The following QKI variants were observed in gnomAD, a reference collection of about 807,000 sequenced individuals.
The protein encoded by QKI is QKI, KH domain containing RNA binding.
QKI carries 10 observed loss-of-function variants against 39.0 expected under a neutral mutation model. That is an observed-to-expected ratio of 0.26 (90% CI 0.16 to 0.43). QKI has a LOEUF of 0.43. Among genes scored for constraint, QKI ranks in the 20% least tolerant of loss-of-function variants. QKI has a pLI of 1.00. For synonymous variants in QKI, 204 were observed against 155.4 expected (o/e 1.31, Z -2.33); for missense variants, 218 against 428.0 (o/e 0.51, Z 4.33).
At chr6:163,468,291 G>A (rs1033965382) in intron 2 of QKI, among the ~76,000 whole-genome samples, 12 of 152,050 alleles carry the variant, frequency 7.9e-5, no homozygotes, top group Non-Finnish European at 1.3e-4. Context: ...TGTGCAAAAA[G>A]CAATCCAAAA....
At chr6:163,545,262 C>T (rs1234476858) in intron 4 of QKI, among the ~76,000 whole-genome samples, 1 of 152,092 alleles carries the variant, frequency 6.6e-6, no homozygotes, top group Non-Finnish European at 1.5e-5. Flanking sequence ...ATATCAGGGT[C>T]ATAATTTTTA....
At chr6:163,420,977 C>A (rs555596988) in intron 1 of QKI, among the ~76,000 whole-genome samples, 2 of 152,142 alleles carry the variant, frequency 1.3e-5, no homozygotes, top group African/African-American at 4.8e-5. Context: ...GCCTGGCATA[C>A]ACTTCTCAGA....
At chr6:163,459,472 G>A (rs982118307) in intron 2 of QKI, among the ~76,000 whole-genome samples, 7 of 152,114 alleles carry the variant, frequency 4.6e-5, no homozygotes, top group African/African-American at 1.7e-4. Flanking sequence ...GAATTACCTG[G>A]ACCCAAATGT....
At chr6:163,487,592 C>G (rs1777761712) in intron 3 of QKI, among the ~76,000 whole-genome samples, 1 of 151,784 alleles carries the variant, frequency 6.6e-6, no homozygotes, top group African/African-American at 2.4e-5. Context: ...AAGCCACTTC[C>G]CAAACCTCCA....
chr6:163,447,932 C>G (rs1461797885), intron 1 of QKI, among the ~76,000 whole-genome samples: 2 of 152,156 alleles, frequency 1.3e-5, no homozygotes, highest in Non-Finnish European at 2.9e-5. Flanking sequence ...GTAAATTCAT[C>G]TCCCAGAGAT....
intron 4 of QKI, among the ~76,000 whole-genome samples, chr6:163,548,584 A>AAAGATTGTT (rs1309126732): frequency 6.6e-6 from 1 of 152,200 alleles, no homozygotes. Flanking sequence ...CTGTTTTTTA[A>AAAGATTGTT]AAGATTGTAA....
At chr6:163,439,354 T>C (rs11961236) in intron 1 of QKI, among the ~76,000 whole-genome samples, 22 of 133,468 alleles carry the variant, frequency 1.6e-4, no homozygotes, top group African/African-American at 5.7e-4. Context: ...TTTTTTTTTT[T>C]CGGGGGGGTG....
chr6:163,578,219 A>G lies in QKI; in HGVS notation c.*7509A>G, dbSNP rs1389440578. ...CTATGTTCATTGGTTACTTAACTGG[A>G]TATTAATATAAAGGTTATTACAAGA... On this transcript the variant is annotated 3_prime_UTR_variant, in exon 8 of 8. Coordinates refer to ENST00000361752, the MANE Select transcript of QKI (RefSeq NM_006775.3). 1 of 152,184 alleles carries G rather than the reference A, an allele frequency of 6.6e-6. No homozygotes were observed. Among genetic ancestry groups the G allele is most frequent in the Non-Finnish European group, 1.5e-5 (1 of 68,030 alleles). The allele number at this position is 152,184 out of a possible 1,614,324, so 9.4% of individuals were successfully genotyped here.
At chr6:163,496,526 C>G (rs570225829) in intron 3 of QKI, among the ~76,000 whole-genome samples, 1 of 152,230 alleles carries the variant, frequency 6.6e-6, no homozygotes, top group South Asian at 2.1e-4. Context: ...TATTTCCATT[C>G]TTCCGCCCTT....
intron 1 of QKI, among the ~76,000 whole-genome samples, chr6:163,427,243 C>CT (rs11375326): frequency 0.3 from 25,905 of 85,588 alleles, 4,449 homozygotes; most frequent in East Asian, 0.53. Flanking sequence ...ATACTCGTAC[C>CT]TTTTTTTTTT....
At chr6:163,522,937 A>G (rs1397823425) in intron 3 of QKI, among the ~76,000 whole-genome samples, 3 of 152,204 alleles carry the variant, frequency 2.0e-5, no homozygotes, top group Non-Finnish European at 4.4e-5. Flanking sequence ...CCTACCAACT[A>G]CAAATGATGG....
intron 3 of QKI, among the ~76,000 whole-genome samples, chr6:163,529,089 A>C (rs1166334387): frequency 1.3e-5 from 2 of 152,196 alleles, no homozygotes; most frequent in East Asian, 1.9e-4. Context: ...ACCAGACCTC[A>C]TAAGAGTTAT....
chr6:163,570,528 T>A, intron 7 of QKI, 166 bp from the exon 8 acceptor site: 1 of 984,974 alleles, frequency 1.0e-6, no homozygotes, highest in Non-Finnish European at 1.2e-6. Context: ...AATTGTATTC[T>A]GTAGATGGTG....
At chr6:163,495,632 G>A (rs1778360151) in intron 3 of QKI, among the ~76,000 whole-genome samples, 1 of 152,046 alleles carries the variant, frequency 6.6e-6, no homozygotes, top group Admixed American at 6.6e-5. Flanking sequence ...TTCATTAGTT[G>A]TAAGTTCTTT....
At chr6:163,551,969 G>GA (rs1330931342) in intron 4 of QKI, among the ~76,000 whole-genome samples, 2 of 152,128 alleles carry the variant, frequency 1.3e-5, no homozygotes, top group Admixed American at 6.5e-5. Context: ...ACGTGCAGTT[G>GA]AAAATCCACG....
chr6:163,508,876 C>A (rs1779263931), intron 3 of QKI, among the ~76,000 whole-genome samples: 1 of 151,838 alleles, frequency 6.6e-6, no homozygotes, highest in Non-Finnish European at 1.5e-5. Flanking sequence ...CGGTGGCTCA[C>A]ACTTGTAATC....
chr6:163,542,683 C>G (rs951276574), intron 4 of QKI, among the ~76,000 whole-genome samples: 2 of 151,942 alleles, frequency 1.3e-5, no homozygotes, highest in African/African-American at 2.4e-5. Flanking sequence ...AGGTCTTTTT[C>G]TTTATGGTGA....
intron 2 of QKI, among the ~76,000 whole-genome samples, chr6:163,477,015 GTTTTGTT>G (rs1792658977): frequency 1.3e-5 from 1 of 78,716 alleles, no homozygotes; most frequent in East Asian, 8.1e-4. Flanking sequence ...GTTTTGTTTT[GTTTTGTT>G]TTTTTTTTTT....
intron 4 of QKI, among the ~76,000 whole-genome samples, chr6:163,539,431 A>G (rs952832594): frequency 6.6e-6 from 1 of 152,198 alleles, no homozygotes; most frequent in African/African-American, 2.4e-5. Context: ...ATGTTTATAA[A>G]TAATCCTTCC....
Sources: allele counts gnomAD v4.1 joint callset (sites outside exome capture counted in the v4.1 genomes callset), GRCh38; gene constraint gnomAD v4.1.1; transcripts MANE v1.5; gene names NCBI Gene and HGNC (gene_info 2026-07-23, HGNC 2026-07-21).